Variants in IQSEC2 observed in about 807,000 individuals in gnomAD.
IQSEC2 encodes the protein IQ motif and Sec7 domain ArfGEF 2, also known as IQ motif and SEC7 domain-containing protein 2.
IQSEC2 carries 6 observed loss-of-function variants against 74.6 expected under a neutral mutation model. The observed-to-expected ratio is 0.08, with a 90% CI of 0.04 to 0.16. The LOEUF (loss-of-function observed/expected upper bound fraction) is 0.16, where lower values mean the gene tolerates loss of function less well. Ranked by LOEUF, IQSEC2 falls within the 10% of genes least tolerant of loss-of-function variation. The pLI, the probability that IQSEC2 is intolerant of heterozygous loss-of-function variation, is 1.00. For synonymous variants in IQSEC2, 494 were observed against 544.5 expected (o/e 0.91, Z 1.29); for missense variants, 734 against 1,306.2 (o/e 0.56, Z 6.75).
At chrX:53,260,276 C>G (rs983560052) in intron 2 of IQSEC2, among the ~76,000 whole-genome samples, 1 of 111,480 alleles carries the variant, frequency 9.0e-6, no homozygotes, top group African/African-American at 3.3e-5. Flanking sequence ...GAGGGTACAG[C>G]CAGCGCAAAG....
intron 2 of IQSEC2, among the ~76,000 whole-genome samples, chrX:53,289,394 T>C (rs1384734407): frequency 9.0e-6 from 1 of 111,293 alleles, no homozygotes; most frequent in Non-Finnish European, 1.9e-5. Flanking sequence ...ACCCGCGTTC[T>C]GACCTTACTG....
chrX:53,237,049 C>A (rs1332281714), intron 12 of IQSEC2, among the ~76,000 whole-genome samples: 2 of 111,904 alleles, frequency 1.8e-5, no homozygotes, highest in Non-Finnish European at 3.8e-5. Context: ...GTATGCTGGG[C>A]GCTACACATA....
At chrX:53,295,145 A>G (rs1030660857) in intron 1 of IQSEC2, among the ~76,000 whole-genome samples, 1 of 112,148 alleles carries the variant, frequency 8.9e-6, no homozygotes, top group Non-Finnish European at 1.9e-5. Context: ...ATGAAAGGCC[A>G]CTTAGGCCCC....
Position 53,240,497 on chromosome X carries a change from G to C in IQSEC2, c.3016-1203C>G, listed in dbSNP as rs1034747610. 2.7e-5 allele frequency among the ~76,000 whole-genome samples: 3 copies of C among 112,679 alleles called. No individual in the cohort carries two copies. In the South Asian group the frequency reaches 1.1e-3, roughly 41 times the overall value. ...CCTGGAGAGCTGTCTTGGAGCAGAG[G>C]TACAACACTTGTTCTTTGTGATGCC... On this transcript the variant is annotated intron_variant, in intron 10 of 14. Transcript: ENST00000642864.
chrX:53,312,226 A>G (rs781822690), intron 1 of IQSEC2, among the ~76,000 whole-genome samples: 39 of 110,379 alleles, frequency 3.5e-4, no homozygotes, highest in African/African-American at 1.2e-3. Context: ...AGCTAACTCA[A>G]ACTCATCCTC....
intron 1 of IQSEC2, among the ~76,000 whole-genome samples, chrX:53,311,987 T>C (rs895156097): frequency 1.8e-5 from 2 of 111,218 alleles, no homozygotes; most frequent in Admixed American, 1.9e-4. Context: ...TAGTGAAGTG[T>C]CCTCAAGATG....
intron 1 of IQSEC2, among the ~76,000 whole-genome samples, chrX:53,298,307 A>G (rs2075176701): frequency 9.2e-6 from 1 of 108,435 alleles, no homozygotes; most frequent in Non-Finnish European, 1.9e-5. Flanking sequence ...CTGAGAAAGG[A>G]GGCATAGGAC....
intron 2 of IQSEC2, among the ~76,000 whole-genome samples, chrX:53,274,041 A>G (rs2074783316): frequency 8.9e-6 from 1 of 112,768 alleles, no homozygotes; most frequent in African/African-American, 3.2e-5. Flanking sequence ...CTGGCTGTAA[A>G]GAAAGATTAT....
intron 2 of IQSEC2, among the ~76,000 whole-genome samples, chrX:53,287,178 T>C (rs782054668): frequency 3.6e-5 from 4 of 111,472 alleles, no homozygotes; most frequent in Non-Finnish European, 7.5e-5. Context: ...AGTCCCCTCA[T>C]TAGCCCTTTA....
At chrX:53,279,802 G>A in intron 2 of IQSEC2, 1 of 471,990 alleles carries the variant, frequency 2.1e-6, no homozygotes. Context: ...GATGGGAAAT[G>A]GAAGAGGAGG....
chrX:53,251,321 C>T (rs1556863635), intron 4 of IQSEC2, 147 bp from the exon 5 acceptor site: 3 of 580,703 alleles, frequency 5.2e-6, no homozygotes, highest in South Asian at 2.7e-5. Flanking sequence ...GGATTCCCCT[C>T]CCCCAGCCCT....
chrX:53,288,443 G>A (rs782717193), intron 2 of IQSEC2, among the ~76,000 whole-genome samples: 6 of 96,010 alleles, frequency 6.2e-5, no homozygotes, highest in South Asian at 5.1e-4. Context: ...TCATCCTTGC[G>A]TGCCTAGCAA....
chrX:53,237,764 T>G, intron 12 of IQSEC2: 1 of 227,735 alleles, frequency 4.4e-6, no homozygotes, highest in Non-Finnish European at 8.2e-6. Flanking sequence ...TGAAGGAGAC[T>G]TCATTACCCC....
chrX:53,253,946 T>C (rs73492145), intron 4 of IQSEC2, among the ~76,000 whole-genome samples: 15,294 of 111,809 alleles, frequency 0.14, 1,231 homozygotes, highest in African/African-American at 0.3. Flanking sequence ...TGAGAACTTT[T>C]TTCTTATTTG....
intron 1 of IQSEC2, among the ~76,000 whole-genome samples, chrX:53,292,376 G>A (rs188630778): frequency 1.8e-5 from 2 of 112,143 alleles, no homozygotes; most frequent in Non-Finnish European, 3.8e-5. Context: ...TCACCTCTCT[G>A]AGTCTGAGCC....
chrX:53,303,958 G>A (rs1051042917), intron 1 of IQSEC2, among the ~76,000 whole-genome samples: 4 of 109,953 alleles, frequency 3.6e-5, no homozygotes, highest in African/African-American at 6.6e-5. Flanking sequence ...GTGAAACCCC[G>A]TCTCTACTAA....
rs1295281780 is a variant in IQSEC2, at chrX:53,320,505, G to A, written c.619C>T (p.Arg207Cys). The A allele has an allele frequency of 4.3e-6, 5 of 1,160,570 alleles. No homozygotes were observed. The highest frequency in any genetic ancestry group is 4.6e-6 in the Non-Finnish European group (4 of 870,534). ...RPPRERGQLS[R>C]GASRSSSPGA... ...GGACTGGAGCTCCTGGATGCGCCACGGCTCAGCTGGCCCCGCTCCCGCGGT... is the reference window on the plus strand; with the variant it reads ...GGACTGGAGCTCCTGGATGCGCCACAGCTCAGCTGGCCCCGCTCCCGCGGT... Residue 207 changes from arginine to cysteine, a missense_variant, in exon 1 of 15, where the codon CGT becomes TGT. Physicochemically the swap from Arg to Cys is radical, Grantham distance 180. Transcript: ENST00000642864.
intron 2 of IQSEC2, among the ~76,000 whole-genome samples, chrX:53,280,187 G>A (rs2074929270): frequency 1.1e-5 from 1 of 93,000 alleles, no homozygotes; most frequent in African/African-American, 4.0e-5. Flanking sequence ...GGGAGGACGG[G>A]AGGGGAAGGG....
intron 2 of IQSEC2, chrX:53,266,991 C>T (rs1556867819): frequency 3.5e-6 from 4 of 1,154,683 alleles, no homozygotes; most frequent in Non-Finnish European, 4.6e-6. Context: ...CTACTGCACT[C>T]GGAGGCCGGA....
Sources: allele counts gnomAD v4.1 joint callset (sites outside exome capture counted in the v4.1 genomes callset), GRCh38; gene constraint gnomAD v4.1.1; transcripts MANE v1.5; gene names NCBI Gene and HGNC (gene_info 2026-07-23, HGNC 2026-07-21).